The following CAMK1D variants were observed in gnomAD, a reference collection of about 807,000 sequenced individuals.
The protein encoded by CAMK1D is calcium/calmodulin dependent protein kinase ID.
CAMK1D carries 9 observed loss-of-function variants against 47.7 expected under a neutral mutation model. That is an observed-to-expected ratio of 0.19 (90% CI 0.11 to 0.33). CAMK1D has a LOEUF of 0.33. Among genes scored for constraint, CAMK1D ranks in the 10% least tolerant of loss-of-function variants. The pLI is 1.00. For missense variants in CAMK1D, 291 were observed against 488.7 expected (o/e 0.60, Z 3.81); for synonymous variants, 184 against 184.9 (o/e 0.99, Z 0.04).
At chr10:12,443,000 C>T (rs1729609525) in intron 1 of CAMK1D, among the ~76,000 whole-genome samples, 1 of 152,194 alleles carries the variant, frequency 6.6e-6, no homozygotes, top group Admixed American at 6.5e-5. Flanking sequence ...TCTTCTCTCA[C>T]TATTTCTTTG....
At chr10:12,643,061 G>C (rs927274553) in intron 2 of CAMK1D, among the ~76,000 whole-genome samples, 1 of 152,100 alleles carries the variant, frequency 6.6e-6, no homozygotes, top group Non-Finnish European at 1.5e-5. Context: ...GAGTGCAGTG[G>C]CGTGATCTCA....
At chr10:12,691,401 ATAAATATATATATATATATATTTTTTTT>A (rs1564495618) in intron 3 of CAMK1D, among the ~76,000 whole-genome samples, 2 of 7,114 alleles carry the variant, frequency 2.8e-4, no homozygotes, top group African/African-American at 1.0e-3. Flanking sequence ...ATATATATAT[ATAAATATATATATATATATATTTTTTTT>A]TTTTTTTTTT....
At chr10:12,471,237 T>C (rs1001567793) in intron 1 of CAMK1D, among the ~76,000 whole-genome samples, 2 of 152,214 alleles carry the variant, frequency 1.3e-5, no homozygotes, top group African/African-American at 2.4e-5. Flanking sequence ...AAAGTGGGAA[T>C]CAGCCCTGCT....
chr10:12,593,576 G>A (rs1397982917), intron 2 of CAMK1D, among the ~76,000 whole-genome samples: 1 of 152,176 alleles, frequency 6.6e-6, no homozygotes, highest in African/African-American at 2.4e-5. Context: ...GGCAACAAGA[G>A]CGAAACTCCG....
chr10:12,422,562 A>C (rs890254144), intron 1 of CAMK1D, among the ~76,000 whole-genome samples: 2 of 152,154 alleles, frequency 1.3e-5, no homozygotes, highest in Admixed American at 1.3e-4. Flanking sequence ...AGAGGCCTAG[A>C]GCTCTCCCCT....
At chr10:12,616,614 TTC>T (rs1838829699) in intron 2 of CAMK1D, among the ~76,000 whole-genome samples, 1 of 151,622 alleles carries the variant, frequency 6.6e-6, no homozygotes, top group African/African-American at 2.4e-5. Context: ...GCCTCCCGGG[TTC>T]ACGCCATTCT....
chr10:12,798,537 A>T (rs1467790237), intron 6 of CAMK1D, among the ~76,000 whole-genome samples: 1 of 152,230 alleles, frequency 6.6e-6, no homozygotes, highest in African/African-American at 2.4e-5. Flanking sequence ...GATAGGTTAC[A>T]GCGATCTGGG....
intron 2 of CAMK1D, among the ~76,000 whole-genome samples, chr10:12,612,913 A>G (rs1229788586): frequency 6.6e-6 from 1 of 152,188 alleles, no homozygotes; most frequent in African/African-American, 2.4e-5. Flanking sequence ...AATACATGAT[A>G]GGGATCCATT....
At chr10:12,625,924 C>T (rs1839200733) in intron 2 of CAMK1D, among the ~76,000 whole-genome samples, 1 of 152,120 alleles carries the variant, frequency 6.6e-6, no homozygotes, top group South Asian at 2.1e-4. Flanking sequence ...TAGAAAACAG[C>T]CAGTTTAATC....
chr10:12,495,711 C>T (rs75348213), intron 1 of CAMK1D, among the ~76,000 whole-genome samples: 1 of 152,238 alleles, frequency 6.6e-6, no homozygotes, highest in East Asian at 1.9e-4. Flanking sequence ...GGAAGAATGT[C>T]CAACAGGAGT....
intron 1 of CAMK1D, among the ~76,000 whole-genome samples, chr10:12,472,916 A>C (rs1364097715): frequency 6.6e-6 from 1 of 152,210 alleles, no homozygotes; most frequent in African/African-American, 2.4e-5. Context: ...CTTGCCTTGC[A>C]GGAACTCGCT....
intron 1 of CAMK1D, among the ~76,000 whole-genome samples, chr10:12,495,813 A>G (rs1334218246): frequency 6.6e-6 from 1 of 152,150 alleles, no homozygotes; most frequent in Non-Finnish European, 1.5e-5. Context: ...TTCCTCAAAT[A>G]TTCCTTTATA....
chr10:12,540,892 G>A (rs182042097), intron 1 of CAMK1D, among the ~76,000 whole-genome samples: 4 of 150,216 alleles, frequency 2.7e-5, no homozygotes, highest in Non-Finnish European at 3.0e-5. Context: ...GTCGGGCACT[G>A]GTCCCAGTTA....
At position 12,823,481 on chromosome 10, in the gene CAMK1D, C is replaced by T. The variant is rs560604659; in HGVS notation, c.834-984C>T. Among the ~76,000 whole-genome samples, 74 of 151,710 alleles carry T rather than the reference C, an allele frequency of 4.9e-4. 1 individual carries two copies. Among genetic ancestry groups the T allele is most frequent in the Middle Eastern group, 3.4e-3 (1 of 294 alleles). On this transcript the variant is annotated intron_variant, in intron 8 of 10. Coordinates refer to ENST00000619168, the MANE Select transcript of CAMK1D (RefSeq NM_153498.4). ...TGTAGGGAGAGGAGGAGGCTGTGAT[C>T]GAGAAGGGCATGCATGAGGGAAGGA...
At chr10:12,806,788 C>CCCAG (rs1838750546) in intron 6 of CAMK1D, among the ~76,000 whole-genome samples, 1 of 152,202 alleles carries the variant, frequency 6.6e-6, no homozygotes, top group Non-Finnish European at 1.5e-5. Context: ...GCTGTTCTTA[C>CCCAG]CCAGCCAGCC....
chr10:12,813,199 G>T (rs543541375), intron 6 of CAMK1D, among the ~76,000 whole-genome samples: 95 of 152,178 alleles, frequency 6.2e-4, no homozygotes, highest in Non-Finnish European at 1.2e-3. Context: ...TTATGATATT[G>T]TAGGCTTACA....
intron 2 of CAMK1D, among the ~76,000 whole-genome samples, chr10:12,612,345 T>C (rs1838655612): frequency 6.7e-6 from 1 of 150,096 alleles, no homozygotes; most frequent in African/African-American, 2.4e-5. Flanking sequence ...ATTACTTTTT[T>C]TTTTTTTTTT....
chr10:12,380,404 G>C (rs1345929820), intron 1 of CAMK1D, among the ~76,000 whole-genome samples: 1 of 152,162 alleles, frequency 6.6e-6, no homozygotes, highest in African/African-American at 2.4e-5. Flanking sequence ...CCTAGGTTTT[G>C]TAATGATTAT....
chr10:12,614,540 A>C (rs1838723817), intron 2 of CAMK1D, among the ~76,000 whole-genome samples: 1 of 152,256 alleles, frequency 6.6e-6, no homozygotes, highest in Admixed American at 6.5e-5. Flanking sequence ...AATACACAGA[A>C]ATATGTGCTC....
Sources: allele counts gnomAD v4.1 joint callset (sites outside exome capture counted in the v4.1 genomes callset), GRCh38; gene constraint gnomAD v4.1.1; transcripts MANE v1.5; gene names NCBI Gene and HGNC (gene_info 2026-07-23, HGNC 2026-07-21).